Variants in FNIP2 observed in about 807,000 individuals in gnomAD.
FNIP2 encodes the protein folliculin interacting protein 2, also known as folliculin-interacting protein 2.
FNIP2 carries 32 observed loss-of-function variants against 108.7 expected under a neutral mutation model. That is an observed-to-expected ratio of 0.29 (90% CI 0.22 to 0.40). The LOEUF is 0.40. FNIP2 is among the 10% of genes least tolerant of loss of function. FNIP2 has a pLI of 1.00. For missense variants in FNIP2, 1,202 were observed against 1,381.6 expected (o/e 0.87, Z 2.06); for synonymous variants, 480 against 496.7 (o/e 0.97, Z 0.45).
intron 16 of FNIP2, among the ~76,000 whole-genome samples, chr4:158,901,641 T>A (rs566211358): frequency 6.6e-5 from 10 of 152,204 alleles, no homozygotes; most frequent in East Asian, 5.8e-4. Flanking sequence ...AACGTAGATT[T>A]GGTCTTTTCA....
At chr4:158,854,842 A>AG (rs1291745394) in intron 8 of FNIP2, among the ~76,000 whole-genome samples, 1 of 152,196 alleles carries the variant, frequency 6.6e-6, no homozygotes, top group Non-Finnish European at 1.5e-5. Flanking sequence ...TCCCAGGTAG[A>AG]GGGTAAGACC....
chr4:158,892,794 A>G (rs1028485963), intron 15 of FNIP2, among the ~76,000 whole-genome samples: 3 of 152,174 alleles, frequency 2.0e-5, no homozygotes, highest in Non-Finnish European at 4.4e-5. Context: ...AACATCTGTT[A>G]TCTGCTTCCT....
rs761750484 is a variant in FNIP2 at position 158,870,472 on chromosome 4, A to G, written c.2949+3A>G. 6 of 1,605,228 alleles carry G rather than the reference A, an allele frequency of 3.7e-6. No individual in the cohort carries two copies. In the African/African-American group the frequency reaches 8.0e-5, roughly 21 times the overall value. ...CCGACCTTGTCCACACAGTCCATGT[A>G]AGTGATCCCAGTGTGGAGCCTCTGG... On this transcript the variant is annotated splice_donor_region_variant and intron_variant, in intron 14 of 16. Transcript: ENST00000264433.
intron 1 of FNIP2, among the ~76,000 whole-genome samples, chr4:158,787,380 C>T (rs1776257583): frequency 6.6e-6 from 1 of 152,138 alleles, no homozygotes; most frequent in Non-Finnish European, 1.5e-5. Flanking sequence ...CTGCTCTGCG[C>T]CAACGACTGG....
At chr4:158,776,952 C>T (rs1465001970) in intron 1 of FNIP2, among the ~76,000 whole-genome samples, 1 of 152,118 alleles carries the variant, frequency 6.6e-6, no homozygotes, top group Non-Finnish European at 1.5e-5. Flanking sequence ...GAAATTTCCT[C>T]CTTTTTGTCA....
chr4:158,905,542 G>A lies in FNIP2; in HGVS notation c.*998G>A, dbSNP rs1242374458. ...TCAGGATGACTAATGAAAGCAATTA[G>A]CTTGAACATTTAGAAAAAATTCATA... On this transcript the variant is annotated 3_prime_UTR_variant, in exon 17 of 17. Coordinates refer to ENST00000264433, the MANE Select transcript of FNIP2 (RefSeq NM_020840.3). 1.3e-5 allele frequency: 2 copies of A among 152,204 alleles called. No homozygotes were observed. Among genetic ancestry groups the A allele is most frequent in the African/African-American group, 2.4e-5 (1 of 41,518 alleles). The allele number at this position is 152,204 out of a possible 1,614,324, so 9.4% of individuals were successfully genotyped here.
Position 158,870,480 on chromosome 4 carries a change from C to A in FNIP2, c.2949+11C>A. 1.3e-6 allele frequency: 2 copies of A among 1,599,320 alleles called. No homozygotes were observed. The highest frequency in any genetic ancestry group is 8.5e-7 in the Non-Finnish European group (1 of 1,171,866). On this transcript the variant is annotated intron_variant, in intron 14 of 16. Transcript: ENST00000264433. ...GTCCACACAGTCCATGTAAGTGATCCCAGTGTGGAGCCTCTGGCTGCTGAC... is the reference window on the plus strand; with the variant it reads ...GTCCACACAGTCCATGTAAGTGATCACAGTGTGGAGCCTCTGGCTGCTGAC...
chr4:158,798,807 A>C (rs1325860166), intron 1 of FNIP2, among the ~76,000 whole-genome samples: 2 of 152,268 alleles, frequency 1.3e-5, no homozygotes, highest in Admixed American at 1.3e-4. Context: ...CAGATTAATG[A>C]ATAACTCTTA....
intron 12 of FNIP2, among the ~76,000 whole-genome samples, chr4:158,867,845 G>T (rs1214861746): frequency 6.6e-6 from 1 of 152,202 alleles, no homozygotes; most frequent in Non-Finnish European, 1.5e-5. Context: ...GACCCAGCAG[G>T]CAATGGGAGG....
chr4:158,789,143 G>T (rs1014476477), intron 1 of FNIP2, among the ~76,000 whole-genome samples: 2 of 152,198 alleles, frequency 1.3e-5, no homozygotes, highest in Non-Finnish European at 2.9e-5. Flanking sequence ...GTCATTAAAG[G>T]TTTGGAGGGT....
chr4:158,828,477 G>C (rs191509981), intron 2 of FNIP2, among the ~76,000 whole-genome samples: 1 of 152,132 alleles, frequency 6.6e-6, no homozygotes, highest in African/African-American at 2.4e-5. Flanking sequence ...TTAGCTGGGC[G>C]TGATGGTGGG....
At chr4:158,778,799 T>G (rs1775940105) in intron 1 of FNIP2, among the ~76,000 whole-genome samples, 1 of 152,228 alleles carries the variant, frequency 6.6e-6, no homozygotes, top group Admixed American at 6.5e-5. Flanking sequence ...ACTGTAATTT[T>G]ACCAGTCCTC....
chr4:158,778,497 G>C (rs890653195), intron 1 of FNIP2, among the ~76,000 whole-genome samples: 14 of 152,246 alleles, frequency 9.2e-5, no homozygotes, highest in Non-Finnish European at 1.3e-4. Context: ...TTATCATATA[G>C]GCATTTGTCA....
rs145020597 is a variant in FNIP2 at position 158,832,192 on chromosome 4, A to G, written c.554+54A>G. 1.5e-4 allele frequency: 211 copies of G among 1,402,862 alleles called. 2 individuals are homozygous for G. The East Asian group carries it at 4.2e-3, about 28-fold the overall frequency. 86.9% of individuals were successfully genotyped at this position (1,402,862 alleles called of 1,614,324 possible). A position where few individuals can be genotyped will look rare whatever the true frequency, so the allele number is the denominator to read the frequency against. ...CCCATTTTTTAAAGTGTGTATTTCT[A>G]GATAGACTAATTCTTTAAGGGCCAT... On this transcript the variant is annotated intron_variant, in intron 5 of 16. Transcript: ENST00000264433.
intron 1 of FNIP2, among the ~76,000 whole-genome samples, chr4:158,811,803 G>A (rs996294921): frequency 8.5e-5 from 13 of 152,224 alleles, no homozygotes; most frequent in Non-Finnish European, 4.4e-5. Flanking sequence ...GAGTCCCGAA[G>A]TTAGAGAAAT....
At chr4:158,902,250 C>T (rs895456101) in intron 16 of FNIP2, among the ~76,000 whole-genome samples, 1 of 152,160 alleles carries the variant, frequency 6.6e-6, no homozygotes, top group Non-Finnish European at 1.5e-5. Flanking sequence ...CTGTCTGCTG[C>T]AGGTCTGCTG....
At chr4:158,838,205 A>G (rs1164753126) in intron 7 of FNIP2, among the ~76,000 whole-genome samples, 1 of 141,196 alleles carries the variant, frequency 7.1e-6, no homozygotes, top group Non-Finnish European at 1.5e-5. Context: ...ACATAAAGAT[A>G]TTATTTATTC....
At chr4:158,840,215 A>G in intron 7 of FNIP2, among the ~76,000 whole-genome samples, 1 of 152,194 alleles carries the variant, frequency 6.6e-6, no homozygotes, top group East Asian at 1.9e-4. Flanking sequence ...CAGTACAGGG[A>G]AAGCAGGAGG....
At chr4:158,896,338 CCTTT>C (rs746342579) in intron 16 of FNIP2, among the ~76,000 whole-genome samples, 1 of 152,120 alleles carries the variant, frequency 6.6e-6, no homozygotes, top group Non-Finnish European at 1.5e-5. Flanking sequence ...TGCTTTCCTT[CCTTT>C]ATTATAAGCC....
Sources: allele counts gnomAD v4.1 joint callset (sites outside exome capture counted in the v4.1 genomes callset), GRCh38; gene constraint gnomAD v4.1.1; transcripts MANE v1.5; gene names NCBI Gene and HGNC (gene_info 2026-07-23, HGNC 2026-07-21).